Variants in ITGA9 observed in about 807,000 individuals in gnomAD.
The protein encoded by ITGA9 is integrin subunit alpha 9.
Under a neutral mutation model 127.8 loss-of-function variants are expected in ITGA9, and 56 were observed. The ratio of observed to expected loss-of-function variants is 0.44; its 90% confidence interval spans 0.35 to 0.55. The LOEUF (loss-of-function observed/expected upper bound fraction) is 0.55, where lower values mean the gene tolerates loss of function less well. Among genes scored for constraint, ITGA9 ranks in the 20% least tolerant of loss-of-function variants. ITGA9 has a pLI of 0.00. For synonymous variants in ITGA9, 508 were observed against 514.5 expected (o/e 0.99, Z 0.17); for missense variants, 1,196 against 1,347.1 (o/e 0.89, Z 1.76).
At chr3:37,645,304 C>T (rs1014339383) in intron 16 of ITGA9, among the ~76,000 whole-genome samples, 2 of 152,164 alleles carry the variant, frequency 1.3e-5, no homozygotes, top group Non-Finnish European at 2.9e-5. Context: ...CACGGTGGCT[C>T]ACGCGTGTAA....
chr3:37,640,721 CTTTCCT>C (rs1470533956), intron 16 of ITGA9, among the ~76,000 whole-genome samples: 1 of 152,240 alleles, frequency 6.6e-6, no homozygotes, highest in African/African-American at 2.4e-5. Flanking sequence ...CCCGGGGCTT[CTTTCCT>C]CCCTGGGCTC....
In ITGA9 at chr3:37,636,418, C is replaced by T. The variant is rs1700279496; in HGVS notation, c.1839+7082C>T. On this transcript the variant is annotated intron_variant, in intron 16 of 27. Transcript: ENST00000264741. ...CATTTCTTCATGTGTTTTTTGGCTG[C>T]ATAAATGTCTTCTTTTGAGAAATGT... 3.3e-5 allele frequency among the ~76,000 whole-genome samples: 5 copies of T among 152,242 alleles called. No homozygotes were observed. In the South Asian group the frequency reaches 1.0e-3, roughly 31 times the overall value.
At chr3:37,529,255 T>C (rs1445256351) in intron 13 of ITGA9, among the ~76,000 whole-genome samples, 4 of 152,150 alleles carry the variant, frequency 2.6e-5, no homozygotes, top group Non-Finnish European at 5.9e-5. Flanking sequence ...GCAGATCTTA[T>C]TAATATAAAA....
At chr3:37,549,612 G>A (rs1699360740) in intron 15 of ITGA9, among the ~76,000 whole-genome samples, 1 of 152,304 alleles carries the variant, frequency 6.6e-6, no homozygotes, top group South Asian at 2.1e-4. Flanking sequence ...ATGATAATGT[G>A]TTCTGTTTTA....
intron 16 of ITGA9, among the ~76,000 whole-genome samples, chr3:37,632,905 TAA>T (rs1337406680): frequency 7.9e-5 from 12 of 152,188 alleles, no homozygotes; most frequent in Non-Finnish European, 2.9e-5. Context: ...GTGGTAAAAA[TAA>T]AGTCACTTTT....
intron 18 of ITGA9, among the ~76,000 whole-genome samples, chr3:37,692,865 G>A (rs1575195225): frequency 6.6e-6 from 1 of 152,298 alleles, no homozygotes; most frequent in Non-Finnish European, 1.5e-5. Flanking sequence ...GAGGAGTGCG[G>A]TATGGGATTC....
intron 18 of ITGA9, among the ~76,000 whole-genome samples, chr3:37,731,280 C>A (rs1332089364): frequency 6.6e-6 from 1 of 152,040 alleles, no homozygotes. Flanking sequence ...TGCAGTGGCA[C>A]CATCTCTGCT....
chr3:37,685,823 A>ATC (rs1158225260), intron 18 of ITGA9, among the ~76,000 whole-genome samples: 1 of 152,150 alleles, frequency 6.6e-6, no homozygotes, highest in Non-Finnish European at 1.5e-5. Context: ...GCTGCTAGAA[A>ATC]GCTCAGAGCT....
intron 9 of ITGA9, among the ~76,000 whole-genome samples, chr3:37,515,222 G>A (rs769840441): frequency 1.3e-5 from 2 of 152,190 alleles, no homozygotes; most frequent in Non-Finnish European, 2.9e-5. Flanking sequence ...TAGAAAATGT[G>A]AATAACAGCT....
chr3:37,683,219 C>G (rs1700749994), intron 17 of ITGA9, among the ~76,000 whole-genome samples: 1 of 152,188 alleles, frequency 6.6e-6, no homozygotes, highest in Non-Finnish European at 1.5e-5. Context: ...ACGCCCACCT[C>G]AGGACTTCTC....
chr3:37,461,142 A>G (rs1427762341), intron 1 of ITGA9, among the ~76,000 whole-genome samples: 2 of 152,102 alleles, frequency 1.3e-5, no homozygotes, highest in South Asian at 4.2e-4. Context: ...GATGTTCCAG[A>G]TTCAGCTGAG....
intron 18 of ITGA9, among the ~76,000 whole-genome samples, chr3:37,692,864 G>C (rs1229500241): frequency 6.6e-6 from 1 of 152,144 alleles, no homozygotes; most frequent in Non-Finnish European, 1.5e-5. Context: ...GGAGGAGTGC[G>C]GTATGGGATT....
chr3:37,670,542 T>C (rs990458211), intron 17 of ITGA9, among the ~76,000 whole-genome samples: 2 of 152,214 alleles, frequency 1.3e-5, no homozygotes, highest in African/African-American at 4.8e-5. Context: ...GGAAACAGAC[T>C]ACAGTAATAT....
chr3:37,727,431 A>G (rs911038613), intron 18 of ITGA9, among the ~76,000 whole-genome samples: 1 of 152,252 alleles, frequency 6.6e-6, no homozygotes, highest in Non-Finnish European at 1.5e-5. Context: ...TATAATAAAA[A>G]TGTATTTTAA....
intron 15 of ITGA9, among the ~76,000 whole-genome samples, chr3:37,574,934 G>C (rs1422249350): frequency 6.6e-6 from 1 of 152,188 alleles, no homozygotes; most frequent in Non-Finnish European, 1.5e-5. Flanking sequence ...AGAAGACCCT[G>C]CCCTGGAATT....
chr3:37,808,060 C>G (rs1299509247), intron 27 of ITGA9: 1 of 152,208 alleles, frequency 6.6e-6, no homozygotes, highest in Non-Finnish European at 1.5e-5. Context: ...GAAGGAAGGT[C>G]AACAGAAGGA....
At chr3:37,666,986 A>G (rs1421054641) in intron 17 of ITGA9, among the ~76,000 whole-genome samples, 2 of 152,174 alleles carry the variant, frequency 1.3e-5, no homozygotes, top group African/African-American at 2.4e-5. Context: ...GCTCCCTGGC[A>G]CTTGCATCCT....
At chr3:37,498,896 C>T (rs367856754) in intron 5 of ITGA9, among the ~76,000 whole-genome samples, 16 of 152,350 alleles carry the variant, frequency 1.1e-4, no homozygotes, top group African/African-American at 3.1e-4. Context: ...AGGGTCCAGG[C>T]CAGCGCGACT....
intron 15 of ITGA9, among the ~76,000 whole-genome samples, chr3:37,581,499 G>C (rs890817797): frequency 1.3e-5 from 2 of 152,228 alleles, no homozygotes; most frequent in African/African-American, 4.8e-5. Context: ...AAGAGAGAAT[G>C]CGTGTTCTTA....
Sources: gnomAD v4.1 joint callset for allele counts (sites outside exome capture counted in the v4.1 genomes callset) on GRCh38, gnomAD v4.1.1 for gene constraint, MANE v1.5 for transcripts, NCBI Gene and HGNC (gene_info 2026-07-23, HGNC 2026-07-21) for gene names.